SYTL5: variants seen among roughly 807,000 people sequenced by gnomAD.
SYTL5 encodes the protein synaptotagmin like 5.
SYTL5 carries 34 observed loss-of-function variants against 55.9 expected under a neutral mutation model. The observed-to-expected ratio is 0.61, with a 90% CI of 0.46 to 0.81. The LOEUF (loss-of-function observed/expected upper bound fraction) is 0.81. Among genes scored for constraint, SYTL5 ranks in the 30% least tolerant of loss-of-function variants. SYTL5 has a pLI of 0.00. For synonymous variants in SYTL5, 221 were observed against 188.7 expected, an observed-to-expected ratio of 1.17 and a Z score of -1.40; for missense variants, 637 against 546.7, an observed-to-expected ratio of 1.17 and a Z score of -1.65.
chrX:38,013,531 G>T (rs997016773), intron 1 of SYTL5, among the ~76,000 whole-genome samples: 2 of 111,622 alleles, frequency 1.8e-5, no homozygotes, highest in African/African-American at 6.5e-5. Context: ...CTATTCAAGT[G>T]TTTTCTATGT....
chrX:38,080,159 G>A (rs765000056), intron 6 of SYTL5, among the ~76,000 whole-genome samples: 1 of 111,003 alleles, frequency 9.0e-6, no homozygotes, highest in South Asian at 3.9e-4. Context: ...TAGCAGAAAA[G>A]AACTCAGGAT....
the SYTL5 span, among the ~76,000 whole-genome samples, chrX:37,903,310 A>T: frequency 9.4e-6 from 1 of 106,699 alleles, no homozygotes; most frequent in East Asian, 2.9e-4. Context: ...CAAATGTCCA[A>T]CAATGATAGA....
At chrX:37,936,664 T>C in the SYTL5 span, among the ~76,000 whole-genome samples, 276 of 111,690 alleles carry the variant, frequency 2.5e-3, no homozygotes, top group African/African-American at 8.5e-3. Context: ...GCTTCCTTCA[T>C]TGAACATTTA....
chrX:37,909,287 G>C, the SYTL5 span, among the ~76,000 whole-genome samples: 1 of 112,032 alleles, frequency 8.9e-6, no homozygotes, highest in Non-Finnish European at 1.9e-5. Flanking sequence ...CATGGTGGGA[G>C]ATCAGATAAG....
At chrX:37,968,465 AGATTT>A in the SYTL5 span, among the ~76,000 whole-genome samples, 1 of 111,565 alleles carries the variant, frequency 9.0e-6, no homozygotes, top group Non-Finnish European at 1.9e-5. Context: ...TGAGGATAGC[AGATTT>A]GATAAGGCTT....
intron 5 of SYTL5, among the ~76,000 whole-genome samples, chrX:38,075,494 T>C (rs1936368424): frequency 9.0e-6 from 1 of 111,123 alleles, no homozygotes; most frequent in Admixed American, 9.6e-5. Flanking sequence ...CATCAAATTG[T>C]ACATGAGATT....
chrX:38,038,751 A>G (rs1255927229), intron 2 of SYTL5, among the ~76,000 whole-genome samples: 1 of 112,282 alleles, frequency 8.9e-6, no homozygotes, highest in Non-Finnish European at 1.9e-5. Flanking sequence ...CAGTTTCAGA[A>G]GGAAATGGAA....
intron 11 of SYTL5, among the ~76,000 whole-genome samples, chrX:38,107,991 C>T (rs1441662745): frequency 8.9e-6 from 1 of 112,322 alleles, no homozygotes; most frequent in Non-Finnish European, 1.9e-5. Flanking sequence ...CCTGAGATAG[C>T]TCAAGCTAAA....
At chrX:38,041,424 C>A (rs909723200) in intron 2 of SYTL5, among the ~76,000 whole-genome samples, 2 of 111,852 alleles carry the variant, frequency 1.8e-5, no homozygotes, top group Admixed American at 9.5e-5. Flanking sequence ...CATAAAACAC[C>A]AGGAGAACTG....
intron 9 of SYTL5, among the ~76,000 whole-genome samples, chrX:38,101,983 GCA>G (rs756986524): frequency 9.1e-6 from 1 of 109,299 alleles, no homozygotes; most frequent in East Asian, 2.9e-4. Flanking sequence ...GTGTGTGTTT[GCA>G]CACACACACA....
At chrX:38,047,411 C>G (rs1935497259) in intron 2 of SYTL5, among the ~76,000 whole-genome samples, 1 of 113,024 alleles carries the variant, frequency 8.8e-6, no homozygotes, top group Admixed American at 9.3e-5. Flanking sequence ...GGGCTTGCAC[C>G]CTCTGAAGCC....
the SYTL5 span, among the ~76,000 whole-genome samples, chrX:37,939,215 C>T: frequency 9.4e-5 from 10 of 106,793 alleles, no homozygotes. Context: ...GAGCTGAGAT[C>T]GCACCATTGC....
chrX:37,899,091 A>G, the SYTL5 span, among the ~76,000 whole-genome samples: 1 of 112,784 alleles, frequency 8.9e-6, no homozygotes, highest in South Asian at 3.7e-4. Context: ...GAATCTTATA[A>G]CATACCAAGG....
intron 1 of SYTL5, among the ~76,000 whole-genome samples, chrX:38,025,104 C>T (rs1934716904): frequency 2.7e-5 from 3 of 112,071 alleles, no homozygotes; most frequent in South Asian, 3.7e-4. Context: ...AGGATGACTG[C>T]TCCTCTATTT....
At chrX:38,091,863 A>C (rs1486873727) in intron 7 of SYTL5, among the ~76,000 whole-genome samples, 1 of 111,460 alleles carries the variant, frequency 9.0e-6, no homozygotes, top group Non-Finnish European at 1.9e-5. Context: ...TTTCTTTGTT[A>C]AACAGCACCT....
At chrX:38,004,817 G>T (rs749682979), upstream of SYTL5, among the ~76,000 whole-genome samples, 2 of 110,942 alleles carry the variant, frequency 1.8e-5, no homozygotes, top group Admixed American at 1.9e-4. Context: ...GAGGATTAAT[G>T]GGTACAAAAA....
At chrX:38,073,568 C>T (rs1936318977) in intron 4 of SYTL5, 22 bp from the exon 5 acceptor site, 1 of 1,101,468 alleles carries the variant, frequency 9.1e-7, no homozygotes, top group Non-Finnish European at 1.2e-6. Context: ...GTAAATTTCT[C>T]TTCTGATTGT....
chrX:38,120,585 T>G (rs758731723), intron 14 of SYTL5, 119 bp downstream of exon 14: 1 of 539,833 alleles, frequency 1.9e-6, no homozygotes, highest in South Asian at 2.9e-5. Context: ...ACATAAAGGG[T>G]TTGGTGTCAC....
intron 9 of SYTL5, among the ~76,000 whole-genome samples, chrX:38,099,529 AG>A (rs2147567572): frequency 9.0e-6 from 1 of 111,500 alleles, no homozygotes; most frequent in South Asian, 3.7e-4. Context: ...ATCTGCAAAC[AG>A]ACAATTTTAC....
Sources: allele counts gnomAD v4.1 joint callset (sites outside exome capture counted in the v4.1 genomes callset), GRCh38; gene constraint gnomAD v4.1.1; transcripts MANE v1.5; gene names NCBI Gene and HGNC (gene_info 2026-07-23, HGNC 2026-07-21).